Variants in TMTC4 observed in about 807,000 individuals in gnomAD.
The protein encoded by TMTC4 is transmembrane O-mannosyltransferase targeting cadherins 4.
A neutral mutation model predicts 86.0 loss-of-function variants in TMTC4; 65 were observed. That is an observed-to-expected ratio of 0.76 (90% confidence interval 0.62 to 0.93). The LOEUF is 0.93. TMTC4 is among the 40% of genes least tolerant of loss of function. TMTC4 has a pLI of 0.00. For missense variants in TMTC4, 866 were observed against 948.1 expected (o/e 0.91, Z 1.14); for synonymous variants, 379 against 382.5 (o/e 0.99, Z 0.11).
At chr13:100,645,982 G>A (rs376142845) in intron 6 of TMTC4, among the ~76,000 whole-genome samples, 7 of 152,248 alleles carry the variant, frequency 4.6e-5, no homozygotes, top group East Asian at 1.9e-4. Flanking sequence ...CAGTAGGGGC[G>A]TGGGGAGGGT....
intron 17 of TMTC4, among the ~76,000 whole-genome samples, chr13:100,611,099 T>C (rs1877491467): frequency 6.6e-6 from 1 of 152,190 alleles, no homozygotes; most frequent in South Asian, 2.1e-4. Context: ...TAATGACATG[T>C]AATAAACAGA....
At chr13:100,624,448 C>T (rs946864329) in intron 15 of TMTC4, 3 of 154,216 alleles carry the variant, frequency 1.9e-5, no homozygotes, top group Middle Eastern at 6.8e-4. Context: ...TCAGGGCCTG[C>T]GCAGCCAAGC....
Position 100,625,682 on chromosome 13 carries a change from G to A in TMTC4, c.1695-6C>T, listed in dbSNP as rs1175365879. ...ACGCAGCGGCAAAGTCTGGCCTAGA[G>A]GAGCAGTTTTAACAAAGATAAACAA... On this transcript the variant is annotated splice_region_variant and splice_polypyrimidine_tract_variant and intron_variant, in intron 14 of 18. Transcript: ENST00000342624. 6.2e-7 allele frequency: 1 copy of A among 1,613,658 alleles called. No homozygotes were observed. The highest frequency in any genetic ancestry group is 8.5e-7 in the Non-Finnish European group (1 of 1,179,648).
intron 10 of TMTC4, 22 bp from the exon 11 acceptor site, chr13:100,635,217 A>G (rs1882057246): frequency 6.5e-7 from 1 of 1,530,682 alleles, no homozygotes; most frequent in African/African-American, 1.4e-5. Context: ...AAAGTATTTA[A>G]ATAAATGGCT....
chr13:100,654,240 T>C (rs1884802432), intron 6 of TMTC4, among the ~76,000 whole-genome samples: 1 of 152,194 alleles, frequency 6.6e-6, no homozygotes, highest in Non-Finnish European at 1.5e-5. Context: ...GGTTTGCAAA[T>C]GCAAAAATGC....
chr13:100,628,974 C>G (rs2138828278), intron 12 of TMTC4, among the ~76,000 whole-genome samples: 1 of 152,132 alleles, frequency 6.6e-6, no homozygotes, highest in East Asian at 1.9e-4. Flanking sequence ...CATGGTGAAA[C>G]CCCATCTCTA....
At position 100,605,729 on chromosome 13, in the gene TMTC4, C is replaced by T. The variant is rs1389285595; in HGVS notation, c.2135-587G>A. Among the ~76,000 whole-genome samples, 1 of 152,130 alleles carries T rather than the reference C, an allele frequency of 6.6e-6. No homozygotes were observed. Among genetic ancestry groups the T allele is most frequent in the Non-Finnish European group, 1.5e-5 (1 of 68,026 alleles). On this transcript the variant is annotated intron_variant, in intron 18 of 18. Coordinates refer to ENST00000342624, the MANE Select transcript of TMTC4 (RefSeq NM_032813.5). The surrounding 1 kb of genome is among the most constrained non-coding windows in gnomAD (Gnocchi z 4.3). ...TTAACTTTCTATATGGGCAGAAGAG[C>T]ATCTGTGGACGCTTTTTGGCTTTTG...
intron 7 of TMTC4, among the ~76,000 whole-genome samples, chr13:100,640,331 T>C (rs1181210395): frequency 6.6e-6 from 1 of 151,970 alleles, no homozygotes; most frequent in African/African-American, 2.4e-5. Context: ...CTGTAAAACA[T>C]TAATAGTGCC....
chr13:100,625,477 A>G (rs1880332241), intron 15 of TMTC4, 58 bp downstream of exon 15: 1 of 1,603,318 alleles, frequency 6.2e-7, no homozygotes, highest in Non-Finnish European at 8.5e-7. Context: ...TCATTTTATT[A>G]TAAATAAGAA....
At chr13:100,622,674 C>A (rs1210122906) in intron 15 of TMTC4, among the ~76,000 whole-genome samples, 1 of 152,120 alleles carries the variant, frequency 6.6e-6, no homozygotes, top group East Asian at 1.9e-4. Context: ...GTCCATTAAA[C>A]CTCTTTTTCT....
At chr13:100,637,831 A>G in intron 8 of TMTC4, 99 bp downstream of exon 8, 1 of 1,532,480 alleles carries the variant, frequency 6.5e-7, no homozygotes, top group African/African-American at 1.4e-5. Flanking sequence ...TGGTTATTGT[A>G]GAATTCAAAA....
At chr13:100,610,776 G>C (rs756049123) in intron 17 of TMTC4, among the ~76,000 whole-genome samples, 1 of 152,180 alleles carries the variant, frequency 6.6e-6, no homozygotes, top group African/African-American at 2.4e-5. Context: ...TCAATACAAC[G>C]ATTATATAAG....
At chr13:100,642,411 T>C (rs1476744738) in intron 6 of TMTC4, 100 bp from the exon 7 acceptor site, 1 of 1,343,752 alleles carries the variant, frequency 7.4e-7, no homozygotes, top group African/African-American at 1.4e-5. Flanking sequence ...TAAACAACCA[T>C]AACTTAAAAA....
chr13:100,632,217 C>T (rs1483449342), intron 12 of TMTC4, among the ~76,000 whole-genome samples: 1 of 152,118 alleles, frequency 6.6e-6, no homozygotes, highest in Non-Finnish European at 1.5e-5. Flanking sequence ...TTCCATCCCC[C>T]TTATTTACTA....
intron 5 of TMTC4, among the ~76,000 whole-genome samples, chr13:100,657,935 G>A (rs992726382): frequency 6.6e-6 from 1 of 152,100 alleles, no homozygotes; most frequent in African/African-American, 2.4e-5. Flanking sequence ...GTGGTGTCAG[G>A]TGATGGCTGG....
intron 15 of TMTC4, among the ~76,000 whole-genome samples, chr13:100,614,706 T>C (rs1237537363): frequency 6.6e-6 from 1 of 152,006 alleles, no homozygotes; most frequent in Non-Finnish European, 1.5e-5. Flanking sequence ...AGACTAGAAA[T>C]GGTAAAGCAG....
chr13:100,639,832 C>T (rs993295051), intron 7 of TMTC4, among the ~76,000 whole-genome samples: 4 of 151,902 alleles, frequency 2.6e-5, no homozygotes, highest in South Asian at 4.2e-4. Context: ...CCCAGCTACT[C>T]GGGAGGCTGA....
In TMTC4 at chr13:100,642,533, CCTT is replaced by C. The variant is rs1159046237; in HGVS notation, c.641-225_641-223del. Reference sequence around the variant, plus strand: ...GGCTCTCCTGAGAACGTGCCCAGGGCCTTTGGGAGGCACTGTCATGAAGCCCTG... The same window carrying C: ...GGCTCTCCTGAGAACGTGCCCAGGGCTGGGAGGCACTGTCATGAAGCCCTG... On this transcript the variant is annotated intron_variant, in intron 6 of 18. Transcript: ENST00000342624. 3.3e-5 allele frequency among the ~76,000 whole-genome samples: 5 copies of C among 152,144 alleles called. No homozygotes were observed. In the East Asian group the frequency reaches 9.6e-4, roughly 29 times the overall value.
intron 2 of TMTC4, among the ~76,000 whole-genome samples, chr13:100,669,584 C>G (rs1451110435): frequency 1.3e-5 from 2 of 152,096 alleles, no homozygotes; most frequent in Admixed American, 1.3e-4. Flanking sequence ...TGTTTCTCGC[C>G]GGGGATGCCT....
Sources: gnomAD v4.1 joint callset for allele counts (sites outside exome capture counted in the v4.1 genomes callset) on GRCh38, gnomAD v4.1.1 for gene constraint, Gnocchi (gnomAD v3.1) non-coding constraint, MANE v1.5 for transcripts, NCBI Gene and HGNC (gene_info 2026-07-23, HGNC 2026-07-21) for gene names.